The following ECT2 variants were observed in gnomAD, a reference collection of about 807,000 sequenced individuals.
The protein encoded by ECT2 is epithelial cell transforming 2, also known as protein ECT2.
Under a neutral mutation model 116.9 loss-of-function variants are expected in ECT2, and 61 were observed. The ratio of observed to expected loss-of-function variants is 0.52; its 90% CI spans 0.42 to 0.65. ECT2 has a LOEUF of 0.65. Ranked by LOEUF, ECT2 falls within the 30% of genes least tolerant of loss-of-function variation. ECT2 has a pLI of 0.00. For synonymous variants in ECT2, 358 were observed against 346.4 expected (o/e 1.03, Z -0.37); for missense variants, 937 against 1,078.7 (o/e 0.87, Z 1.84).
intron 8 of ECT2, 28 bp from the exon 9 acceptor site, chr3:172,762,383 AACTGG>A (rs757634884): frequency 6.3e-7 from 1 of 1,575,172 alleles, no homozygotes; most frequent in Non-Finnish European, 8.6e-7. Flanking sequence ...ATTTAAGTTA[AACTGG>A]TTTTGGAAGA....
chr3:172,818,609 G>C (rs750039743), intron 24 of ECT2: 5 of 1,288,562 alleles, frequency 3.9e-6, no homozygotes, highest in Non-Finnish European at 5.1e-6. Context: ...TATGTTCAGC[G>C]CCTAAACTCT....
At chr3:172,760,632 A>G (rs776660755) in intron 7 of ECT2, among the ~76,000 whole-genome samples, 1 of 147,294 alleles carries the variant, frequency 6.8e-6, no homozygotes, top group Non-Finnish European at 1.5e-5. Flanking sequence ...GTGTTGAAAG[A>G]TGACTAGGAT....
chr3:172,784,627 T>C, intron 16 of ECT2, 80 bp from the exon 17 acceptor site: 1 of 959,948 alleles, frequency 1.0e-6, no homozygotes, highest in Non-Finnish European at 1.7e-6. Context: ...ACACTAATGA[T>C]AAGGTGTACT....
At chr3:172,816,896 G>T in intron 24 of ECT2, 59 bp downstream of exon 24, 2 of 1,325,536 alleles carry the variant, frequency 1.5e-6, no homozygotes, top group Admixed American at 2.4e-5. Flanking sequence ...TATGGAATTT[G>T]TTAACTTCTA....
chr3:172,780,110 T>G (rs1722423679), intron 14 of ECT2, among the ~76,000 whole-genome samples: 1 of 152,036 alleles, frequency 6.6e-6, no homozygotes, highest in South Asian at 2.1e-4. Flanking sequence ...CTGGACATTT[T>G]ATATATTTAA....
At chr3:172,779,471 A>G in intron 14 of ECT2, among the ~76,000 whole-genome samples, 1 of 152,192 alleles carries the variant, frequency 6.6e-6, no homozygotes, top group East Asian at 1.9e-4. Context: ...ATTCTTAAAG[A>G]TTGAAGAAGT....
intron 23 of ECT2, 102 bp from the exon 24 acceptor site, chr3:172,816,589 G>C: frequency 2.1e-6 from 2 of 941,734 alleles, no homozygotes; most frequent in Non-Finnish European, 3.1e-6. Context: ...ACATAGTACA[G>C]TAGAAAAACT....
chr3:172,803,748 TC>T (rs1727147378), intron 20 of ECT2, among the ~76,000 whole-genome samples: 1 of 151,982 alleles, frequency 6.6e-6, no homozygotes, highest in African/African-American at 2.4e-5. Flanking sequence ...AGTTTCCTTT[TC>T]TTTTCTTTTC....
chr3:172,807,649 A>T, intron 21 of ECT2, 121 bp from the exon 22 acceptor site: 2 of 1,133,868 alleles, frequency 1.8e-6, no homozygotes, highest in Non-Finnish European at 2.5e-6. Flanking sequence ...AGGACAAGGA[A>T]AGTGGAGAAG....
chr3:172,774,412 T>G (rs1471908493), intron 14 of ECT2, among the ~76,000 whole-genome samples: 1 of 152,114 alleles, frequency 6.6e-6, no homozygotes, highest in Non-Finnish European at 1.5e-5. Context: ...CTGCCCAGGC[T>G]GGTTTCGAAC....
rs776140573 is a variant in ECT2 at position 172,764,350 on chromosome 3, C to T, written c.1141C>T (p.Arg381Cys). 1.2e-5 allele frequency: 20 copies of T among 1,614,000 alleles called. No homozygotes were observed. The Admixed American group carries it at 2.2e-4, about 17-fold the overall frequency. Residue 381 changes from arginine to cysteine, a missense_variant, in exon 12 of 25, where the codon CGT (arginine) becomes TGT (cysteine). Coordinates refer to ENST00000392692, the MANE Select transcript of ECT2 (RefSeq NM_001258315.2). ...TACCCCTAACAGCAATCGCAAACGA[C>T]GTCGTTTAAAAGAAACACTTGCTCA... ...LNTPNSNRKRRRLKETLAQLS... is the reference protein window; with the variant it reads ...LNTPNSNRKRCRLKETLAQLS...
rs1718903704 is a variant in ECT2, at chr3:172,764,305, G to T, written c.1096G>T (p.Val366Leu). 6.2e-7 allele frequency: 1 copy of T among 1,614,092 alleles called. No homozygotes were observed. The highest frequency in any genetic ancestry group is 1.7e-5 in the Admixed American group (1 of 60,022). Residue 366 changes from valine to leucine, a missense_variant, in exon 12 of 25, where the codon GTG (valine) becomes TTG (leucine). Val to Leu is a conservative substitution (Grantham distance 32). Coordinates refer to ENST00000392692, the MANE Select transcript of ECT2 (RefSeq NM_001258315.2). ...AAATACTCCTGAGCTCAAGAAATCA[G>T]TGTCAATGCTTTCTCTAAATACCCC... is the stretch of plus-strand genomic sequence containing the variant. ...KANTPELKKS[V>L]SMLSLNTPNS... is the part of the protein sequence containing the mutation.
intron 22 of ECT2, among the ~76,000 whole-genome samples, chr3:172,812,717 G>C (rs912191905): frequency 4.6e-5 from 7 of 151,966 alleles, no homozygotes; most frequent in African/African-American, 1.7e-4. Flanking sequence ...TTTTCTTTAA[G>C]GAAAATATAT....
chr3:172,829,195 C>T, the ECT2 span: 5 of 400,816 alleles, frequency 1.2e-5, no homozygotes, highest in Non-Finnish European at 2.3e-5. Context: ...CCAGCTTTAG[C>T]CCTTGGTCTC....
chr3:172,818,964 GA>G, intron 24 of ECT2: 1 of 588,462 alleles, frequency 1.7e-6, no homozygotes, highest in African/African-American at 2.0e-5. Context: ...AGGTTTAATA[GA>G]GTTTCTTAAG....
chr3:172,816,935 A>C, intron 24 of ECT2, 98 bp downstream of exon 24: 1 of 1,027,306 alleles, frequency 9.7e-7, no homozygotes, highest in Non-Finnish European at 1.4e-6. Context: ...TCCATTTTAA[A>C]AAAATTTTAA....
At chr3:172,787,263 A>G (rs1723769545) in intron 18 of ECT2, among the ~76,000 whole-genome samples, 1 of 152,196 alleles carries the variant, frequency 6.6e-6, no homozygotes, top group Admixed American at 6.5e-5. Context: ...CTGAGATGCC[A>G]GGGTGCTTCT....
At chr3:172,828,053 ACAAAAT>A in the ECT2 span, among the ~76,000 whole-genome samples, 9,307 of 152,208 alleles carry the variant, frequency 0.061, 932 homozygotes, top group African/African-American at 0.21. Flanking sequence ...AAATTCTGAA[ACAAAAT>A]CAATATACAA....
intron 14 of ECT2, among the ~76,000 whole-genome samples, chr3:172,777,149 C>T (rs1721886515): frequency 6.6e-6 from 1 of 152,088 alleles, no homozygotes; most frequent in Non-Finnish European, 1.5e-5. Flanking sequence ...TTAGATTACA[C>T]CACTGTGCTT....
Sources: allele counts gnomAD v4.1 joint callset (sites outside exome capture counted in the v4.1 genomes callset), GRCh38; gene constraint gnomAD v4.1.1; transcripts MANE v1.5; gene names NCBI Gene and HGNC (gene_info 2026-07-23, HGNC 2026-07-21).